ZHX1: variants seen among roughly 807,000 people sequenced by gnomAD.
The protein encoded by ZHX1 is zinc fingers and homeoboxes protein 1.
ZHX1 carries 20 observed loss-of-function variants against 61.8 expected under a neutral mutation model. The ratio of observed to expected loss-of-function variants is 0.32; its 90% CI spans 0.23 to 0.47. ZHX1 has a LOEUF of 0.47. Ranked by LOEUF, ZHX1 falls within the 20% of genes least tolerant of loss-of-function variation. ZHX1 has a pLI of 1.00. For synonymous variants in ZHX1, 318 were observed against 352.6 expected (o/e 0.90, Z 1.10); for missense variants, 800 against 1,034.8 (o/e 0.77, Z 3.11).
At position 123,254,596 on chromosome 8, in the gene ZHX1, G is replaced by T; in HGVS notation, c.1351C>A (p.Gln451Lys). ...KPATAAVPTSQSVKHETALVN... is the reference protein window; with the variant it reads ...KPATAAVPTSKSVKHETALVN... ...AATGCAGTTTCATGTTTGACACTTT[G>T]AGAAGTTGGAACTGCTGCTGTTGCT... The change falls in exon 3 of 4, where the codon CAA becomes AAA. Residue 451 changes from glutamine (Q) to lysine (K), a missense_variant. Physicochemically the swap from Gln to Lys is moderately conservative, Grantham distance 53 (BLOSUM62 1). Transcript: ENST00000395571. This position sits in a 1 kb window ranked among gnomAD's most constrained non-coding sequence, Gnocchi z 4.1. The T allele has an allele frequency of 6.2e-7, 1 of 1,614,152 alleles. No homozygotes were observed. The highest frequency in any genetic ancestry group is 1.1e-5 in the South Asian group (1 of 91,068).
intron 3 of ZHX1, 160 bp downstream of exon 3, chr8:123,253,162 T>C (rs1364192851): frequency 1.9e-6 from 1 of 534,808 alleles, no homozygotes; most frequent in African/African-American, 1.9e-5. Context: ...ATGATAATCA[T>C]TTATCTCTTA....
intron 2 of ZHX1, among the ~76,000 whole-genome samples, chr8:123,264,753 G>T (rs1222823808): frequency 6.6e-6 from 1 of 150,970 alleles, no homozygotes; most frequent in Non-Finnish European, 1.5e-5. Flanking sequence ...TAGAGACGGG[G>T]TTTCACCATC....
intron 2 of ZHX1, among the ~76,000 whole-genome samples, chr8:123,263,648 G>A (rs1043783106): frequency 1.3e-4 from 20 of 151,988 alleles, no homozygotes; most frequent in Admixed American, 5.3e-4. Context: ...CCTGGTCAAC[G>A]TGGTAAAACC....
At position 123,253,309 on chromosome 8, in the gene ZHX1, TTTC is replaced by T. The variant is rs1198714199; in HGVS notation, c.*3+10_*3+12del. On this transcript the variant is annotated intron_variant, in intron 3 of 3. Transcript: ENST00000395571. ...ATGAACATATACGCAGATTAAAAAT[TTTC>T]TTAACTTACATTTCAGTCATCTGAT... 1.3e-6 allele frequency: 2 copies of T among 1,575,080 alleles called. No individual in the cohort carries two copies. Among genetic ancestry groups the T allele is most frequent in the Non-Finnish European group, 1.7e-6 (2 of 1,166,552 alleles).
At position 123,255,849 on chromosome 8, in the gene ZHX1, G is replaced by A. The variant is rs148312837; in HGVS notation, c.98C>T (p.Pro33Leu). The A allele has an allele frequency of 3.1e-6, 5 of 1,614,068 alleles. No homozygotes were observed. Among genetic ancestry groups the A allele is most frequent in the South Asian group, 1.1e-5 (1 of 91,078 alleles). The change falls in exon 3 of 4, where the codon CCT (proline) becomes CTT (leucine). Residue 33 changes from proline (P) to leucine (L), a missense_variant. By Grantham distance (98) the Pro-to-Leu change is moderately conservative (BLOSUM62 -3). Coordinates refer to ENST00000395571, the MANE Select transcript of ZHX1 (RefSeq NM_007222.5). ...GGTGTTTTCTACAGGTGTAAGCACA[G>A]GAGGACCTTCATCCAAATCTGATAT... is the stretch of plus-strand genomic sequence containing the variant. ...ELISDLDEGP[P>L]VLTPVENTRA... is the part of the protein sequence containing the mutation.
At chr8:123,264,232 A>C (rs1826377570) in intron 2 of ZHX1, among the ~76,000 whole-genome samples, 1 of 152,190 alleles carries the variant, frequency 6.6e-6, no homozygotes, top group Non-Finnish European at 1.5e-5. Flanking sequence ...AGCAAATGCA[A>C]ATTTGCACTT....
chr8:123,253,550 G>A lies in ZHX1; in HGVS notation c.2397C>T (p.Asp799=). ...GTGATTTGTTAACAAGTTCATCAAG[G>A]TCTTGCTCATTAAGAAACTTGTGCT... ...YLKHKFLNEQ[D]LDELVNKSHM... is the part of the protein sequence containing the mutation. The change falls in exon 3 of 4, where the codon GAC becomes GAT. Residue 799 remains aspartate, a synonymous_variant. Coordinates refer to ENST00000395571, the MANE Select transcript of ZHX1 (RefSeq NM_007222.5). The A allele has an allele frequency of 6.2e-7, 1 of 1,614,110 alleles. No homozygotes were observed. Among genetic ancestry groups the A allele is most frequent in the Non-Finnish European group, 8.5e-7 (1 of 1,180,008 alleles).
Position 123,254,883 on chromosome 8 carries a change from T to A in ZHX1, c.1064A>T (p.Gln355Leu). Residue 355 changes from glutamine (Q) to leucine (L), a missense_variant, in exon 3 of 4, where the codon CAA becomes CTA. Transcript: ENST00000395571. This position sits in a 1 kb window ranked among gnomAD's most constrained non-coding sequence, Gnocchi z 4.1. Reference sequence around the variant, plus strand: ...TACAGTATGCACTGTTCCATTGAATTGTTTCCTTCTTGCCTCCTCTACTTC... The same window carrying A: ...TACAGTATGCACTGTTCCATTGAATAGTTTCCTTCTTGCCTCCTCTACTTC... Reference protein sequence around the residue: ...PEEVEEARRKQFNGTVHTVPQ... With the variant: ...PEEVEEARRKLFNGTVHTVPQ... 1 of 1,614,220 alleles carries A rather than the reference T, an allele frequency of 6.2e-7. No homozygotes were observed. The highest frequency in any genetic ancestry group is 1.3e-5 in the African/African-American group (1 of 75,060).
intron 2 of ZHX1, among the ~76,000 whole-genome samples, chr8:123,256,553 G>A (rs1463222510): frequency 6.6e-6 from 1 of 152,074 alleles, no homozygotes; most frequent in Non-Finnish European, 1.5e-5. Context: ...TGGCCATTAA[G>A]TGTGTAAGAA....
At chr8:123,264,746 A>G (rs1826395850) in intron 2 of ZHX1, among the ~76,000 whole-genome samples, 1 of 150,952 alleles carries the variant, frequency 6.6e-6, no homozygotes, top group Admixed American at 6.6e-5. Flanking sequence ...TTTTTAGTAG[A>G]GACGGGGTTT....
chr8:123,253,044 T>G (rs187544318), intron 3 of ZHX1: 1 of 307,564 alleles, frequency 3.3e-6, no homozygotes, highest in East Asian at 5.7e-5. Context: ...CAGTCTCCCT[T>G]CATAGAGATT....
intron 1 of ZHX1, among the ~76,000 whole-genome samples, chr8:123,268,478 G>A (rs927920068): frequency 6.6e-6 from 1 of 152,028 alleles, no homozygotes; most frequent in Admixed American, 6.6e-5. Flanking sequence ...CTTTTGAAGG[G>A]TTAAAGCATT....
At chr8:123,256,602 A>C (rs1335072112) in intron 2 of ZHX1, among the ~76,000 whole-genome samples, 1 of 152,092 alleles carries the variant, frequency 6.6e-6, no homozygotes. Context: ...CGTCTCTACT[A>C]AAAACACAAA....
At chr8:123,273,509 C>T (rs1259640207) in intron 1 of ZHX1, among the ~76,000 whole-genome samples, 1 of 152,142 alleles carries the variant, frequency 6.6e-6, no homozygotes. Flanking sequence ...TCGTCACAAT[C>T]GTAATATGGT....
upstream of ZHX1, among the ~76,000 whole-genome samples, chr8:123,274,947 C>A (rs1478007064): frequency 7.2e-5 from 11 of 152,168 alleles, no homozygotes; most frequent in Non-Finnish European, 1.5e-5. Flanking sequence ...GAGCCCAGCG[C>A]CCTGACAGAA....
At chr8:123,266,238 T>C (rs114528011) in intron 2 of ZHX1, among the ~76,000 whole-genome samples, 83 of 152,332 alleles carry the variant, frequency 5.4e-4, no homozygotes, top group African/African-American at 1.4e-3. Flanking sequence ...CAAGAAGGTG[T>C]GTTAAGTCTT....
At position 123,256,091 on chromosome 8, in the gene ZHX1, G is replaced by T; in HGVS notation, c.-145C>A. On this transcript the variant is annotated 5_prime_UTR_variant, in exon 3 of 4. Coordinates refer to ENST00000395571, the MANE Select transcript of ZHX1 (RefSeq NM_007222.5). ...AAGTCTCATTAGCAGCTTTCTCATGGTGCAATCAAGTAAAGAGCTTATTGT... is the reference window on the plus strand; with the variant it reads ...AAGTCTCATTAGCAGCTTTCTCATGTTGCAATCAAGTAAAGAGCTTATTGT... 1.6e-6 allele frequency: 1 copy of T among 617,634 alleles called. No individual in the cohort carries two copies. The highest frequency in any genetic ancestry group is 2.6e-6 in the Non-Finnish European group (1 of 378,814). 38.3% of individuals were successfully genotyped at this position (617,634 alleles called of 1,614,324 possible). A position where few individuals can be genotyped will look rare whatever the true frequency, so the allele number is the denominator to read the frequency against.
chr8:123,274,478 CG>C (rs1174779080), upstream of ZHX1: 4 of 152,120 alleles, frequency 2.6e-5, no homozygotes, highest in African/African-American at 9.6e-5. Flanking sequence ...GGCCCTCCCG[CG>C]CGCGCGTCCT....
chr8:123,253,108 ATAAT>A (rs1825963914), intron 3 of ZHX1: 1 of 417,052 alleles, frequency 2.4e-6, no homozygotes, highest in Non-Finnish European at 4.2e-6. Flanking sequence ...ATGAAAAATA[ATAAT>A]TAAGACATTA....
Sources: allele counts gnomAD v4.1 joint callset (sites outside exome capture counted in the v4.1 genomes callset), GRCh38; gene constraint gnomAD v4.1.1; non-coding constraint Gnocchi (gnomAD v3.1); transcripts MANE v1.5; gene names NCBI Gene and HGNC (gene_info 2026-07-23, HGNC 2026-07-21).